The following PSMD6 variants were observed in gnomAD, a reference collection of about 807,000 sequenced individuals.
PSMD6 encodes proteasome 26S subunit, non-ATPase 6.
A neutral mutation model predicts 44.9 loss-of-function variants in PSMD6; 7 were observed. The observed-to-expected ratio is 0.16, with a 90% confidence interval of 0.09 to 0.29. The LOEUF (loss-of-function observed/expected upper bound fraction) is 0.29. Ranked by LOEUF, PSMD6 falls within the 10% of genes least tolerant of loss-of-function variation. The probability of loss-of-function intolerance (pLI) is 1.00; values close to 1 mark genes in which losing one functional copy is unlikely to be tolerated. For synonymous variants in PSMD6, 184 were observed against 172.7 expected, an observed-to-expected ratio of 1.07 and a Z score of -0.51; for missense variants, 420 against 482.6, an observed-to-expected ratio of 0.87 and a Z score of 1.21.
chr3:64,023,141 C>T lies in PSMD6; in HGVS notation c.145+134G>A, dbSNP rs2106879208. ...CAAACCAAAGCAAAACCCTAAGGGC[C>T]GGAGAAGCCAGGCCTGGTCTCTGAG... is the stretch of plus-strand genomic sequence containing the variant. On this transcript the variant is annotated intron_variant, in intron 1 of 7. Coordinates refer to ENST00000295901, the MANE Select transcript of PSMD6 (RefSeq NM_014814.3). The T allele has an allele frequency of 9.1e-6, 13 of 1,423,320 alleles. No individual in the cohort carries two copies. In the South Asian group the frequency reaches 1.4e-4, roughly 15 times the overall value. The allele number at this position is 1,423,320 out of a possible 1,614,324, so 88.2% of individuals were successfully genotyped here.
At chr3:64,020,760 G>A (rs1559678134) in intron 2 of PSMD6, among the ~76,000 whole-genome samples, 1 of 152,166 alleles carries the variant, frequency 6.6e-6, no homozygotes, top group Non-Finnish European at 1.5e-5. Flanking sequence ...CAGTACTCCT[G>A]TTTTACACAT....
At chr3:64,017,880 C>T (rs2076072050) in intron 5 of PSMD6, 1 of 152,086 alleles carries the variant, frequency 6.6e-6, no homozygotes, top group East Asian at 1.9e-4. Context: ...TGGGAAAGAC[C>T]CCTGGGTCAA....
chr3:64,017,776 C>T (rs1318255830), intron 5 of PSMD6: 3 of 152,218 alleles, frequency 2.0e-5, no homozygotes, highest in African/African-American at 7.2e-5. Context: ...TTGGAACCGT[C>T]CATTCCCACT....
At chr3:64,013,632 A>ATAAT (rs1413415800) in intron 5 of PSMD6, 25 bp from the exon 6 acceptor site, 1 of 1,579,662 alleles carries the variant, frequency 6.3e-7, no homozygotes, top group African/African-American at 1.4e-5. Context: ...ATGACAAATT[A>ATAAT]TAATAGACTC....
chr3:64,018,133 G>C (rs547624801), intron 5 of PSMD6, among the ~76,000 whole-genome samples: 1 of 152,238 alleles, frequency 6.6e-6, no homozygotes, highest in South Asian at 2.1e-4. Context: ...ATACAGAATA[G>C]CCCATTGCTG....
At chr3:64,018,533 T>TC in intron 5 of PSMD6, 66 bp downstream of exon 5, 1 of 1,224,822 alleles carries the variant, frequency 8.2e-7, no homozygotes, top group South Asian at 1.3e-5. Flanking sequence ...TCGTCTTAGG[T>TC]TATTTGCACA....
intron 2 of PSMD6, among the ~76,000 whole-genome samples, chr3:64,020,339 G>C (rs2076110081): frequency 6.6e-6 from 1 of 152,078 alleles, no homozygotes; most frequent in Non-Finnish European, 1.5e-5. Context: ...AAAAACGAGA[G>C]TAAATAGGAG....
chr3:64,020,138 T>C (rs2076106968), intron 2 of PSMD6, among the ~76,000 whole-genome samples: 1 of 151,418 alleles, frequency 6.6e-6, no homozygotes, highest in Non-Finnish European at 1.5e-5. Flanking sequence ...ACCTGTGACA[T>C]TTTGTTTTAT....
chr3:64,023,615 A>AC, upstream of PSMD6: 3 of 1,418,118 alleles, frequency 2.1e-6, no homozygotes, highest in Non-Finnish European at 2.8e-6. Flanking sequence ...CTGTGTGGTC[A>AC]CGGGGGCTTT....
upstream of PSMD6, chr3:64,023,631 C>T: frequency 7.1e-7 from 1 of 1,416,896 alleles, no homozygotes; most frequent in Non-Finnish European, 9.2e-7. Flanking sequence ...GCTTTTCCAC[C>T]CTCAAGGCCC....
chr3:64,012,469 C>CTATT (rs2075974063), intron 6 of PSMD6: 1 of 152,204 alleles, frequency 6.6e-6, no homozygotes, highest in Admixed American at 6.6e-5. Context: ...CCACCTTACT[C>CTATT]TATTTCTTAT....
intron 1 of PSMD6, 195 bp downstream of exon 1, chr3:64,023,080 C>A: frequency 7.0e-7 from 1 of 1,427,314 alleles, no homozygotes; most frequent in Non-Finnish European, 9.1e-7. Context: ...AGATGCAGAC[C>A]CCGCTGAGGC....
upstream of PSMD6, chr3:64,023,816 G>A (rs1202400263): frequency 2.0e-6 from 3 of 1,479,222 alleles, no homozygotes; most frequent in Admixed American, 5.9e-5. Context: ...ATAGTTTGTC[G>A]AGTCGTTACT....
chr3:64,020,925 C>A (rs1262727226), intron 2 of PSMD6, among the ~76,000 whole-genome samples: 1 of 152,094 alleles, frequency 6.6e-6, no homozygotes, highest in Non-Finnish European at 1.5e-5. Flanking sequence ...AAATTAAAAA[C>A]ATTCAAAGCC....
At chr3:64,012,904 C>T (rs1016939820) in intron 6 of PSMD6, 1 of 152,168 alleles carries the variant, frequency 6.6e-6, no homozygotes, top group Non-Finnish European at 1.5e-5. Flanking sequence ...CCATCTCTTC[C>T]CTACTACTAC....
chr3:64,023,448 A>C lies in PSMD6; in HGVS notation c.-29T>G, dbSNP rs747252424. The C allele has an allele frequency of 1.0e-5, 16 of 1,567,380 alleles. No homozygotes were observed. Among genetic ancestry groups the C allele is most frequent in the Non-Finnish European group, 1.4e-5 (16 of 1,150,658 alleles). ...GGCGAAGGGGACAGCGGCTGACAGGACACAACTTGGTTACGACCGGCTGCG... is the reference window on the plus strand; with the variant it reads ...GGCGAAGGGGACAGCGGCTGACAGGCCACAACTTGGTTACGACCGGCTGCG... On this transcript the variant is annotated 5_prime_UTR_variant, in exon 1 of 8. Transcript: ENST00000295901.
chr3:64,018,593 C>A lies in PSMD6; in HGVS notation c.826+6G>T, dbSNP rs777069347. ...AGATAATCAAAAATATCAACCCTAT[C>A]CTTACCTAATGATTGGAAGAAAACA... On this transcript the variant is annotated splice_donor_region_variant and intron_variant, in intron 5 of 7. Coordinates refer to ENST00000295901, the MANE Select transcript of PSMD6 (RefSeq NM_014814.3). The A allele has an allele frequency of 6.5e-7, 1 of 1,533,712 alleles. No homozygotes were observed. The highest frequency in any genetic ancestry group is 1.1e-5 in the South Asian group (1 of 88,062).
At chr3:64,016,740 A>T (rs962074286) in intron 5 of PSMD6, 1 of 152,178 alleles carries the variant, frequency 6.6e-6, no homozygotes, top group African/African-American at 2.4e-5. Context: ...GGAATGTCAA[A>T]TGGTGCGGGC....
chr3:64,015,305 G>A (rs1031665960), intron 5 of PSMD6: 1 of 152,170 alleles, frequency 6.6e-6, no homozygotes, highest in Non-Finnish European at 1.5e-5. Context: ...CCTTTGGAAA[G>A]TTCAATTTTT....
Sources: gnomAD v4.1 joint callset for allele counts (sites outside exome capture counted in the v4.1 genomes callset) on GRCh38, gnomAD v4.1.1 for gene constraint, MANE v1.5 for transcripts, NCBI Gene and HGNC (gene_info 2026-07-23, HGNC 2026-07-21) for gene names.